NAV3: variants seen among roughly 807,000 people sequenced by gnomAD.
NAV3 encodes neuron navigator 3.
In NAV3, 87 loss-of-function variants were observed where a neutral mutation model predicts 244.7. The ratio of observed to expected loss-of-function variants is 0.36; its 90% CI spans 0.30 to 0.42. The LOEUF is 0.42. Ranked by LOEUF, NAV3 falls within the 20% of genes least tolerant of loss-of-function variation. The probability of loss-of-function intolerance (pLI) is 1.00; values close to 1 mark genes in which losing one functional copy is unlikely to be tolerated. For synonymous variants in NAV3, 1,126 were observed against 1,042.2 expected, an observed-to-expected ratio of 1.08 and a Z score of -1.55; for missense variants, 2,663 against 2,893.3, an observed-to-expected ratio of 0.92 and a Z score of 1.83.
intron 2 of NAV3, among the ~76,000 whole-genome samples, chr12:77,940,683 C>T (rs1731741): frequency 0.85 from 128,691 of 152,200 alleles, 54,569 homozygotes; most frequent in East Asian, 0.98. Context: ...TCATTTGAAT[C>T]GAACTGTCAG....
chr12:77,892,422 T>C (rs902443281), intron 1 of NAV3, among the ~76,000 whole-genome samples: 6 of 152,096 alleles, frequency 3.9e-5, no homozygotes, highest in East Asian at 3.8e-4. Context: ...ATTTGAATTT[T>C]TTTTTTTTTT....
At chr12:77,787,260 T>C (rs1870946776) in intron 2 of NAV3, among the ~76,000 whole-genome samples, 1 of 152,188 alleles carries the variant, frequency 6.6e-6, no homozygotes, top group Non-Finnish European at 1.5e-5. Flanking sequence ...TCTGATTTCA[T>C]AAGCTTCCAC....
Position 78,190,073 on chromosome 12 carries a change from C to T in NAV3, c.6145C>T (p.His2049Tyr), listed in dbSNP as rs1479945315. The T allele has an allele frequency of 5.0e-6, 8 of 1,612,948 alleles. No homozygotes were observed. In the East Asian group the frequency reaches 1.6e-4, roughly 32 times the overall value. The change falls in exon 34 of 40, where the codon CAT (histidine) becomes TAT (tyrosine). Residue 2049 changes from histidine to tyrosine, a missense_variant. Physicochemically the swap from His to Tyr is moderately conservative, Grantham distance 83. Coordinates refer to ENST00000397909, the MANE Select transcript of NAV3 (RefSeq NM_001024383.2). Reference sequence around the variant, plus strand: ...AAGGTACTTTAACTTGTTGATGGAGCATCACAGAATTATACTCTCAGGACC... The same window carrying T: ...AAGGTACTTTAACTTGTTGATGGAGTATCACAGAATTATACTCTCAGGACC... ...TQRYFNLLME[H>Y]HRIILSGPSG...
intron 2 of NAV3, among the ~76,000 whole-genome samples, chr12:77,819,346 A>G (rs1274942697): frequency 6.6e-6 from 1 of 151,694 alleles, no homozygotes; most frequent in Non-Finnish European, 1.5e-5. Flanking sequence ...ACAAGCATTG[A>G]CTAATAATGA....
chr12:77,688,709 A>G (rs1277457375), intron 2 of NAV3, among the ~76,000 whole-genome samples: 1 of 151,898 alleles, frequency 6.6e-6, no homozygotes, highest in East Asian at 1.9e-4. Flanking sequence ...GTTTTAATAG[A>G]ATAGTGTAAA....
chr12:78,115,792 T>C (rs916445865), intron 12 of NAV3, among the ~76,000 whole-genome samples: 7 of 152,210 alleles, frequency 4.6e-5, no homozygotes, highest in Non-Finnish European at 8.8e-5. Context: ...CAACAGGCTA[T>C]ACCACATACC....
intron 1 of NAV3, among the ~76,000 whole-genome samples, chr12:77,880,487 C>T (rs760099529): frequency 5.3e-5 from 8 of 152,014 alleles, no homozygotes; most frequent in Non-Finnish European, 7.4e-5. Context: ...AATCACTGGA[C>T]GCCATCAGGA....
chr12:77,944,130 C>T (rs1402186712), intron 3 of NAV3, among the ~76,000 whole-genome samples: 1 of 152,126 alleles, frequency 6.6e-6, no homozygotes, highest in Non-Finnish European at 1.5e-5. Flanking sequence ...AAGTTTGGTG[C>T]ATTCCACAAA....
At chr12:77,703,035 G>A (rs1180832348) in intron 2 of NAV3, among the ~76,000 whole-genome samples, 2 of 151,778 alleles carry the variant, frequency 1.3e-5, no homozygotes, top group African/African-American at 4.8e-5. Context: ...TTTAATGCCA[G>A]GTTTATTGAG....
intron 9 of NAV3, among the ~76,000 whole-genome samples, chr12:78,041,919 T>G (rs1880930330): frequency 6.6e-6 from 1 of 152,086 alleles, no homozygotes; most frequent in Admixed American, 6.5e-5. Flanking sequence ...TACATGCTAT[T>G]TTTTGCTTTT....
rs2136073280 is a variant in NAV3, at chr12:77,831,438, C to A, written c.-24C>A. 1.3e-6 allele frequency: 2 copies of A among 1,562,770 alleles called. No individual in the cohort carries two copies. Among genetic ancestry groups the A allele is most frequent in the Non-Finnish European group, 1.7e-6 (2 of 1,158,010 alleles). ...AGGTTAGAAGCATTTTCTTTGGCAG[C>A]AAGAAGATAATTTTATAGAAGCCAT... is the stretch of plus-strand genomic sequence containing the variant. On this transcript the variant is annotated 5_prime_UTR_variant, in exon 1 of 40. Transcript: ENST00000397909.
intron 9 of NAV3, among the ~76,000 whole-genome samples, chr12:78,026,334 ATAT>A (rs1566031798): frequency 1.3e-5 from 2 of 152,164 alleles, no homozygotes; most frequent in Non-Finnish European, 2.9e-5. Context: ...TGAACCTCTG[ATAT>A]TAACCTAGCA....
At chr12:77,711,281 A>T (rs1355203733) in intron 2 of NAV3, among the ~76,000 whole-genome samples, 2 of 152,160 alleles carry the variant, frequency 1.3e-5, no homozygotes, top group Non-Finnish European at 2.9e-5. Flanking sequence ...GCCTAACCCC[A>T]CATTTGTGGA....
At chr12:77,739,748 A>G (rs985721909) in intron 2 of NAV3, among the ~76,000 whole-genome samples, 7 of 152,024 alleles carry the variant, frequency 4.6e-5, no homozygotes, top group Non-Finnish European at 8.8e-5. Flanking sequence ...ATTCTACTCA[A>G]CTCTTCAGAT....
At chr12:77,662,255 A>ATCTATCTATCTG (rs1242659283) in intron 2 of NAV3, among the ~76,000 whole-genome samples, 116 of 151,450 alleles carry the variant, frequency 7.7e-4, no homozygotes, top group African/African-American at 2.4e-3. Context: ...CTATCTATCT[A>ATCTATCTATCTG]TCTATCTATA....
intron 9 of NAV3, among the ~76,000 whole-genome samples, chr12:78,045,211 C>G (rs889620808): frequency 1.3e-5 from 2 of 152,100 alleles, no homozygotes; most frequent in Non-Finnish European, 2.9e-5. Flanking sequence ...AATTGGTTCT[C>G]TTTATGTGAT....
At chr12:78,064,662 C>A (rs1242871756) in intron 12 of NAV3, among the ~76,000 whole-genome samples, 1 of 152,024 alleles carries the variant, frequency 6.6e-6, no homozygotes, top group Non-Finnish European at 1.5e-5. Context: ...CAATTCATAA[C>A]CCTGTGTAAC....
chr12:77,991,772 C>T (rs1871481359), intron 5 of NAV3, among the ~76,000 whole-genome samples: 1 of 152,136 alleles, frequency 6.6e-6, no homozygotes, highest in Non-Finnish European at 1.5e-5. Context: ...GTGTCTCACA[C>T]TTGTAATCCC....
chr12:78,173,604 C>A (rs1375286585), intron 24 of NAV3, among the ~76,000 whole-genome samples: 1 of 151,432 alleles, frequency 6.6e-6, no homozygotes, highest in Non-Finnish European at 1.5e-5. Flanking sequence ...TACCGGATTC[C>A]TTTATTGTTG....
Sources: gnomAD v4.1 joint callset for allele counts (sites outside exome capture counted in the v4.1 genomes callset) on GRCh38, gnomAD v4.1.1 for gene constraint, MANE v1.5 for transcripts, NCBI Gene and HGNC (gene_info 2026-07-23, HGNC 2026-07-21) for gene names.